Variants in PNMA8B observed in about 807,000 individuals in gnomAD.
PNMA8B encodes the protein paraneoplastic antigen-like protein 8B.
For missense variants in PNMA8B, 887 were observed against 885.8 expected (o/e 1.00, Z -0.02); for synonymous variants, 386 against 394.9 (o/e 0.98, Z 0.27).
rs2147485219 is a variant in PNMA8B, at chr19:46,493,983, C to T, written c.1483G>A (p.Glu495Lys). 1 of 1,613,714 alleles carries T rather than the reference C, an allele frequency of 6.2e-7. No individual in the cohort carries two copies. Among genetic ancestry groups the T allele is most frequent in the South Asian group, 1.1e-5 (1 of 91,076 alleles). ...GACCCCTCGTTGGACCCCATGTTCT[C>T]CCGGGCGGCCAGGAGCGCCAATACC... Reference protein sequence around the residue: ...GEVLALLAARENMGSNEGSEE... With the variant: ...GEVLALLAARKNMGSNEGSEE... Residue 495 changes from glutamate (E) to lysine (K), a missense_variant, in exon 1 of 1, where the codon GAG becomes AAG. Coordinates refer to ENST00000599531, the MANE Select transcript of PNMA8B (RefSeq NM_020709.3). The surrounding 1 kb of genome is among the most constrained non-coding windows in gnomAD (Gnocchi z 5.3).
rs774349867 is a variant in PNMA8B, at chr19:46,494,985, G to C, written c.481C>G (p.Arg161Gly). ...CTGGTTCTGTTTCTGCGACCCCGACGGCCCCTCCTTGGGTTCCTGGCTGCC... is the reference window on the plus strand; with the variant it reads ...CTGGTTCTGTTTCTGCGACCCCGACCGCCCCTCCTTGGGTTCCTGGCTGCC... ...LGAARNPRRGRRGRRNRTRRN... is the reference protein window; with the variant it reads ...LGAARNPRRGGRGRRNRTRRN... The change falls in exon 1 of 1, where the codon CGT (arginine) becomes GGT (glycine). Residue 161 changes from arginine to glycine, a missense_variant. Coordinates refer to ENST00000599531, the MANE Select transcript of PNMA8B (RefSeq NM_020709.3). 3 of 1,608,756 alleles carry C rather than the reference G, an allele frequency of 1.9e-6. No individual in the cohort carries two copies. Among genetic ancestry groups the C allele is most frequent in the Non-Finnish European group, 2.5e-6 (3 of 1,179,792 alleles).
Position 46,494,849 on chromosome 19 carries a change from A to G in PNMA8B, c.617T>C (p.Ile206Thr), listed in dbSNP as rs1339890882. Reference protein sequence around the residue: ...DSSDESLGIVIEEIDQGDLSG... With the variant: ...DSSDESLGIVTEEIDQGDLSG... Reference sequence around the variant, plus strand: ...CAGGTCGCCCTGGTCGATCTCCTCGATCACGATGCCCAGGCTCTCGTCGGA... The same window carrying G: ...CAGGTCGCCCTGGTCGATCTCCTCGGTCACGATGCCCAGGCTCTCGTCGGA... Residue 206 changes from isoleucine to threonine, a missense_variant, in exon 1 of 1, where the codon ATC (isoleucine) becomes ACC (threonine). Ile to Thr is a moderately conservative substitution (Grantham distance 89). Coordinates refer to ENST00000599531, the MANE Select transcript of PNMA8B (RefSeq NM_020709.3). 3.1e-6 allele frequency: 5 copies of G among 1,613,262 alleles called. No homozygotes were observed. The highest frequency in any genetic ancestry group is 3.4e-6 in the Non-Finnish European group (4 of 1,179,880).
Position 46,494,162 on chromosome 19 carries a change from A to G in PNMA8B, c.1304T>C (p.Phe435Ser). The change falls in exon 1 of 1, where the codon TTC (phenylalanine) becomes TCC (serine). Residue 435 changes from phenylalanine (F) to serine (S), a missense_variant. Coordinates refer to ENST00000599531, the MANE Select transcript of PNMA8B (RefSeq NM_020709.3). ...CTCACGGTGCTCGCTCCAGCCCCCG[A>G]AGAGGCCACGCCCAGCCTTCTTCGC... ...PQAKKAGRGLFGGWSEHREDE... is the reference protein window; with the variant it reads ...PQAKKAGRGLSGGWSEHREDE... 1 of 1,610,348 alleles carries G rather than the reference A, an allele frequency of 6.2e-7. No individual in the cohort carries two copies. Among genetic ancestry groups the G allele is most frequent in the Non-Finnish European group, 8.5e-7 (1 of 1,179,802 alleles).
At position 46,494,555 on chromosome 19, in the gene PNMA8B, T is replaced by G; in HGVS notation, c.911A>C (p.Glu304Ala). Residue 304 changes from glutamate to alanine, a missense_variant, in exon 1 of 1, where the codon GAG (glutamate) becomes GCG (alanine). By Grantham distance (107) the Glu-to-Ala change is moderately radical (BLOSUM62 -1). Coordinates refer to ENST00000599531, the MANE Select transcript of PNMA8B (RefSeq NM_020709.3). ...ALLAVRDTPD[E>A]EPVDSDTSES... is the part of the protein sequence containing the mutation. ...CGAAGTGTCGCTGTCCACCGGCTCCTCGTCCGGGGTGTCTCTCACAGCCAG... is the reference window on the plus strand; with the variant it reads ...CGAAGTGTCGCTGTCCACCGGCTCCGCGTCCGGGGTGTCTCTCACAGCCAG... The G allele has an allele frequency of 6.2e-7, 1 of 1,614,044 alleles. No individual in the cohort carries two copies. The highest frequency in any genetic ancestry group is 1.1e-5 in the South Asian group (1 of 91,088).
In PNMA8B at chr19:46,493,596, C is replaced by G. The variant is rs773602985; in HGVS notation, c.1870G>C (p.Ala624Pro). The G allele has an allele frequency of 1.8e-5, 27 of 1,487,080 alleles. No individual in the cohort carries two copies. The South Asian group carries it at 2.7e-4, about 15-fold the overall frequency. 92.1% of individuals were successfully genotyped at this position (1,487,080 alleles called of 1,614,324 possible). A position where few individuals can be genotyped will look rare whatever the true frequency, so the allele number is the denominator to read the frequency against. ...GGGGGCAGCCTCCGGCCCCGACGGG[C>G]CTTCTTCCCGCGCGCGGCCTTGGAT... The part of the protein sequence containing the change: ...TGSKAARGKK[A>P]RRGRRLPPKC... Residue 624 changes from alanine to proline, a missense_variant, in exon 1 of 1, where the codon GCC becomes CCC. Coordinates refer to ENST00000599531, the MANE Select transcript of PNMA8B (RefSeq NM_020709.3). The surrounding 1 kb of genome is among the most constrained non-coding windows in gnomAD (Gnocchi z 5.3).
Position 46,493,925 on chromosome 19 carries a change from T to C in PNMA8B, c.1541A>G (p.Glu514Gly), listed in dbSNP as rs775208262. The C allele has an allele frequency of 3.8e-6, 6 of 1,592,582 alleles. No homozygotes were observed. The highest frequency in any genetic ancestry group is 2.7e-5 in the African/African-American group (2 of 73,584). Residue 514 changes from glutamate to glycine, a missense_variant, in exon 1 of 1, where the codon GAG becomes GGG. Physicochemically the swap from Glu to Gly is moderately conservative, Grantham distance 98 (BLOSUM62 -2). Transcript: ENST00000599531. The surrounding 1 kb of genome is among the most constrained non-coding windows in gnomAD (Gnocchi z 5.3). Reference protein sequence around the residue: ...EEASDEQSEEESEDTESEASE... With the variant: ...EEASDEQSEEGSEDTESEASE... The stretch of plus-strand genomic sequence containing the variant: ...CGCCTCGCTCTCGGTGTCCTCCGAC[T>C]CCTCCTCGGACTGTTCGTCCGAAGC...
chr19:46,493,554 G>GA lies in PNMA8B; in HGVS notation c.*3_*4insT. 7.4e-7 allele frequency: 1 copy of GA among 1,359,038 alleles called. No individual in the cohort carries two copies. The highest frequency in any genetic ancestry group is 2.9e-5 in the East Asian group (1 of 34,540). 84.2% of individuals were successfully genotyped at this position (1,359,038 alleles called of 1,614,324 possible). A position where few individuals can be genotyped will look rare whatever the true frequency, so the allele number is the denominator to read the frequency against. ...CGCAGCCTGGGCGGCTTCTTGGGGG[G>GA]CCACTAGCGGCATTTAGGGGGCAGC... On this transcript the variant is annotated 3_prime_UTR_variant, in exon 1 of 1. Transcript: ENST00000599531. The surrounding 1 kb of genome is among the most constrained non-coding windows in gnomAD (Gnocchi z 5.3).
rs924167856 is a variant in PNMA8B at position 46,495,089 on chromosome 19, TC to T, written c.376del (p.Glu126ArgfsTer18). ...CTCCGAAGCGGGAGGGGTGGGTGCC[TC>T]CCCGGGGGTCCCAGCCTCCGCGGCC... ...TQAAEAGTPG[E>X]APTPPASETQ... On this transcript the variant is annotated frameshift_variant, in exon 1 of 1. Transcript: ENST00000599531. LOFTEE classifies it low-confidence loss of function (END_TRUNC). The T allele has an allele frequency of 2.5e-6, 4 of 1,612,584 alleles. No individual in the cohort carries two copies. Among genetic ancestry groups the T allele is most frequent in the Non-Finnish European group, 2.5e-6 (3 of 1,179,722 alleles).
rs757286642 is a variant in PNMA8B, at chr19:46,493,535, C to A, written c.*23G>T. 5.3e-6 allele frequency: 7 copies of A among 1,328,408 alleles called. No homozygotes were observed. Among genetic ancestry groups the A allele is most frequent in the Non-Finnish European group, 5.8e-6 (6 of 1,041,978 alleles). The allele number at this position is 1,328,408 out of a possible 1,614,324, so 82.3% of individuals were successfully genotyped here. A position where few individuals can be genotyped will look rare whatever the true frequency, so the allele number is the denominator to read the frequency against. On this transcript the variant is annotated 3_prime_UTR_variant, in exon 1 of 1. Transcript: ENST00000599531. This position sits in a 1 kb window ranked among gnomAD's most constrained non-coding sequence, Gnocchi z 5.3. ...GTGCCCTGCGGGGCCTGCTCGCAGC[C>A]TGGGCGGCTTCTTGGGGGGCCACTA...
Position 46,494,800 on chromosome 19 carries a change from C to A in PNMA8B, c.666G>T (p.Ala222=), listed in dbSNP as rs919978202. ...CAGCGGCCTGCAGCGTGGCGTACAG[C>A]GCGCTCTGGTCCTCTTCTCCGCTCA... ...GDLSGEEDQS[A]LYATLQAAAR... is the part of the protein sequence containing the mutation. The change falls in exon 1 of 1, where the codon GCG becomes GCT. Residue 222 remains alanine (A), a synonymous_variant. Transcript: ENST00000599531. The A allele has an allele frequency of 1.9e-6, 3 of 1,613,672 alleles. No individual in the cohort carries two copies. In the Admixed American group the frequency reaches 5.0e-5, roughly 27 times the overall value.
rs1249483204 is a variant in PNMA8B at position 46,492,167 on chromosome 19, G to A, written c.*1391C>T. ...CCCAAACCCTCCTATTCCTTCCCAG[G>A]GACAAGTGGGGCAGGGCCCCCTGGC... is the stretch of plus-strand genomic sequence containing the variant. On this transcript the variant is annotated 3_prime_UTR_variant, in exon 1 of 1. Transcript: ENST00000599531. 2.3e-6 allele frequency: 1 copy of A among 436,190 alleles called. No individual in the cohort carries two copies. Among genetic ancestry groups the A allele is most frequent in the Non-Finnish European group, 4.7e-6 (1 of 214,900 alleles). 27.0% of individuals were successfully genotyped at this position (436,190 alleles called of 1,614,324 possible).
At position 46,493,923 on chromosome 19, in the gene PNMA8B, ACTCCTCCTCGGACTGTTCGTCCGAAGC is replaced by A. The variant is rs1970047424; in HGVS notation, c.1516_1542del (p.Ala506_Glu514del). 1 of 1,576,992 alleles carries A rather than the reference ACTCCTCCTCGGACTGTTCGTCCGAAGC, an allele frequency of 6.3e-7. No individual in the cohort carries two copies. The highest frequency in any genetic ancestry group is 2.3e-5 in the East Asian group (1 of 43,956). On this transcript the variant is annotated inframe_deletion, in exon 1 of 1. Transcript: ENST00000599531. The surrounding 1 kb of genome is among the most constrained non-coding windows in gnomAD (Gnocchi z 5.3). ...GACGCCTCGCTCTCGGTGTCCTCCG[ACTCCTCCTCGGACTGTTCGTCCGAAGC>A]CTCCTCCGACCCCTCGTTGGACCCC...
Position 46,493,793 on chromosome 19 carries a change from C to T in PNMA8B, c.1673G>A (p.Arg558His), listed in dbSNP as rs988007770. 2 of 1,285,594 alleles carry T rather than the reference C, an allele frequency of 1.6e-6. No individual in the cohort carries two copies. The highest frequency in any genetic ancestry group is 9.9e-7 in the Non-Finnish European group (1 of 1,006,810). 79.6% of individuals were successfully genotyped at this position (1,285,594 alleles called of 1,614,324 possible). The change falls in exon 1 of 1, where the codon CGC becomes CAC. Residue 558 changes from arginine to histidine, a missense_variant. Arg to His is a conservative substitution (Grantham distance 29). Transcript: ENST00000599531. The surrounding 1 kb of genome is among the most constrained non-coding windows in gnomAD (Gnocchi z 5.3). ...AGAPPTASGA[R>H]KTRAGGRGRG... ...GCCTCGGCCGCCCGCGCGGGTTTTG[C>T]GGGCCCCGGAAGCGGTGGGAGGCGC...
Position 46,493,601 on chromosome 19 carries a change from T to A in PNMA8B, c.1865A>T (p.Lys622Met). 1 of 1,491,272 alleles carries A rather than the reference T, an allele frequency of 6.7e-7. No individual in the cohort carries two copies. Among genetic ancestry groups the A allele is most frequent in the Non-Finnish European group, 8.8e-7 (1 of 1,131,642 alleles). The allele number at this position is 1,491,272 out of a possible 1,614,324, so 92.4% of individuals were successfully genotyped here. A position where few individuals can be genotyped will look rare whatever the true frequency, so the allele number is the denominator to read the frequency against. The change falls in exon 1 of 1, where the codon AAG becomes ATG. Residue 622 changes from lysine to methionine, a missense_variant. Lys to Met is a moderately conservative substitution (Grantham distance 95, BLOSUM62 -1). Transcript: ENST00000599531. The surrounding 1 kb of genome is among the most constrained non-coding windows in gnomAD (Gnocchi z 5.3). ...CAGCCTCCGGCCCCGACGGGCCTTC[T>A]TCCCGCGCGCGGCCTTGGATCCAGT... ...APTGSKAARG[K>M]KARRGRRLPP...
At position 46,493,725 on chromosome 19, in the gene PNMA8B, C is replaced by A; in HGVS notation, c.1741G>T (p.Gly581Cys). The A allele has an allele frequency of 2.0e-6, 3 of 1,495,400 alleles. No homozygotes were observed. Among genetic ancestry groups the A allele is most frequent in the Admixed American group, 2.2e-5 (1 of 45,646 alleles). The allele number at this position is 1,495,400 out of a possible 1,614,324, so 92.6% of individuals were successfully genotyped here. ...CCTGCGGCGTCGTCCTGGGCCGAGCCCCGGCTCCCGGCTTTCTTCTCGGGA... is the reference window on the plus strand; with the variant it reads ...CCTGCGGCGTCGTCCTGGGCCGAGCACCGGCTCCCGGCTTTCTTCTCGGGA... ...VTPEKKAGSR[G>C]SAQDDAAGSR... The change falls in exon 1 of 1, where the codon GGC becomes TGC. Residue 581 changes from glycine to cysteine, a missense_variant. Coordinates refer to ENST00000599531, the MANE Select transcript of PNMA8B (RefSeq NM_020709.3). This position sits in a 1 kb window ranked among gnomAD's most constrained non-coding sequence, Gnocchi z 5.3.
chr19:46,495,214 G>C lies in PNMA8B; in HGVS notation c.252C>G (p.Gly84=). The C allele has an allele frequency of 6.2e-7, 1 of 1,612,654 alleles. No homozygotes were observed. Among genetic ancestry groups the C allele is most frequent in the Non-Finnish European group, 8.5e-7 (1 of 1,178,690 alleles). ...ACAGAACCCTCCAGACCCCATCCTTGCCTGGGATCTCCCTGGGAATGGCAG... is the reference window on the plus strand; with the variant it reads ...ACAGAACCCTCCAGACCCCATCCTTCCCTGGGATCTCCCTGGGAATGGCAG... The part of the protein sequence containing the change: ...NHAAIPREIP[G]KDGVWRVLWK... Residue 84 remains glycine, a synonymous_variant, in exon 1 of 1, where the codon GGC becomes GGG. Coordinates refer to ENST00000599531, the MANE Select transcript of PNMA8B (RefSeq NM_020709.3).
Position 46,493,817 on chromosome 19 carries a change from G to T in PNMA8B, c.1649C>A (p.Ala550Glu). The change falls in exon 1 of 1, where the codon GCG becomes GAG. Residue 550 changes from alanine to glutamate, a missense_variant. Ala to Glu is a moderately radical substitution (Grantham distance 107). Transcript: ENST00000599531. This position sits in a 1 kb window ranked among gnomAD's most constrained non-coding sequence, Gnocchi z 5.3. ...GCGGGCCCCGGAAGCGGTGGGAGGC[G>T]CGCCGGCCGGAGTCAGGCCCCTGGG... ...TAPRGLTPAGAPPTASGARKT... is the reference protein window; with the variant it reads ...TAPRGLTPAGEPPTASGARKT... 1 of 1,377,706 alleles carries T rather than the reference G, an allele frequency of 7.3e-7. No homozygotes were observed. The allele number at this position is 1,377,706 out of a possible 1,614,324, so 85.3% of individuals were successfully genotyped here.
In PNMA8B at chr19:46,495,752, T is replaced by A; in HGVS notation, c.-287A>T. ...CAGGACAGCTCCCTCCCTCTCTCCC[T>A]GACACAGGCCTGAGTGACTCGGCAC... On this transcript the variant is annotated 5_prime_UTR_variant, in exon 1 of 1. Coordinates refer to ENST00000599531, the MANE Select transcript of PNMA8B (RefSeq NM_020709.3). The A allele has an allele frequency of 2.5e-6, 1 of 395,468 alleles. No homozygotes were observed. Among genetic ancestry groups the A allele is most frequent in the Non-Finnish European group, 4.8e-6 (1 of 207,552 alleles). 24.5% of individuals were successfully genotyped at this position (395,468 alleles called of 1,614,324 possible).
Position 46,494,459 on chromosome 19 carries a change from A to G in PNMA8B, c.1007T>C (p.Val336Ala). 2 of 1,614,028 alleles carry G rather than the reference A, an allele frequency of 1.2e-6. No homozygotes were observed. Among genetic ancestry groups the G allele is most frequent in the Non-Finnish European group, 1.7e-6 (2 of 1,179,902 alleles). The change falls in exon 1 of 1, where the codon GTG (valine) becomes GCG (alanine). Residue 336 changes from valine to alanine, a missense_variant. Val to Ala is a moderately conservative substitution (Grantham distance 64). Transcript: ENST00000599531. Reference protein sequence around the residue: ...ELDNPEFVAIVAYTDPSDPWA... With the variant: ...ELDNPEFVAIAAYTDPSDPWA... ...GGGGTCCGACGGGTCGGTATAGGCCACAATGGCCACGAACTCAGGATTATC... is the reference window on the plus strand; with the variant it reads ...GGGGTCCGACGGGTCGGTATAGGCCGCAATGGCCACGAACTCAGGATTATC...
Sources: gnomAD v4.1 joint callset for allele counts on GRCh38, gnomAD v4.1.1 for gene constraint, Gnocchi (gnomAD v3.1) non-coding constraint, MANE v1.5 for transcripts, NCBI Gene and HGNC (gene_info 2026-07-23, HGNC 2026-07-21) for gene names.